The following MAP3K7CL variants were observed in gnomAD, a reference collection of about 807,000 sequenced individuals.
The protein encoded by MAP3K7CL is MAP3K7 C-terminal-like protein.
In MAP3K7CL, 16 loss-of-function variants were observed where a neutral mutation model predicts 18.6. The observed-to-expected ratio is 0.86, with a 90% CI of 0.58 to 1.31. The LOEUF (loss-of-function observed/expected upper bound fraction) is 1.31, where lower values mean the gene tolerates loss of function less well. Ranked by LOEUF, MAP3K7CL falls within the 50% of genes most tolerant of loss-of-function variation. The probability of loss-of-function intolerance (pLI) is 0.00; values close to 1 mark genes in which losing one functional copy is unlikely to be tolerated. For missense variants in MAP3K7CL, 163 were observed against 174.4 expected (o/e 0.93, Z 0.37); for synonymous variants, 65 against 66.8 (o/e 0.97, Z 0.13).
chr21:29,099,085 C>CTTTCT (rs932778727), intron 4 of MAP3K7CL, among the ~76,000 whole-genome samples: 17 of 151,912 alleles, frequency 1.1e-4, no homozygotes, highest in East Asian at 3.9e-4. Flanking sequence ...AAAATACTAG[C>CTTTCT]TTTCTTTTCT....
chr21:29,098,146 T>G (rs1601145706), intron 4 of MAP3K7CL, among the ~76,000 whole-genome samples: 1 of 152,218 alleles, frequency 6.6e-6, no homozygotes, highest in South Asian at 2.1e-4. Context: ...ATTTCCATTA[T>G]CACAAAAAGT....
At chr21:29,149,950 T>C (rs759151297) in intron 3 of MAP3K7CL, among the ~76,000 whole-genome samples, 18 of 152,240 alleles carry the variant, frequency 1.2e-4, no homozygotes, top group Non-Finnish European at 2.5e-4. Context: ...AGCCATTCAC[T>C]TGAATACTTA....
At chr21:29,089,892 A>T (rs2085992497) in intron 1 of MAP3K7CL, among the ~76,000 whole-genome samples, 2 of 150,246 alleles carry the variant, frequency 1.3e-5, no homozygotes, top group South Asian at 4.2e-4. Flanking sequence ...GGAGGAAGGG[A>T]AAAAAGGAGA....
chr21:29,122,452 G>T (rs1054205705), intron 4 of MAP3K7CL, among the ~76,000 whole-genome samples: 3 of 152,206 alleles, frequency 2.0e-5, no homozygotes, highest in Non-Finnish European at 2.9e-5. Context: ...CAGGTTGCAC[G>T]AACGAATTGA....
At chr21:29,147,074 C>A (rs2087143391) in intron 2 of MAP3K7CL, among the ~76,000 whole-genome samples, 1 of 152,118 alleles carries the variant, frequency 6.6e-6, no homozygotes, top group South Asian at 2.1e-4. Context: ...ACTATGAAAA[C>A]ATAAAAACTG....
At chr21:29,134,458 G>T (rs1036794518) in intron 2 of MAP3K7CL, among the ~76,000 whole-genome samples, 5 of 152,196 alleles carry the variant, frequency 3.3e-5, no homozygotes, top group Non-Finnish European at 5.9e-5. Flanking sequence ...CAGGCTTGGG[G>T]TTACTATGCC....
chr21:29,144,993 C>G (rs2087094889), intron 2 of MAP3K7CL, among the ~76,000 whole-genome samples: 1 of 152,180 alleles, frequency 6.6e-6, no homozygotes, highest in Non-Finnish European at 1.5e-5. Flanking sequence ...GCCAAACAGG[C>G]AGTGAACATC....
intron 1 of MAP3K7CL, chr21:29,080,800 T>C (rs559917230): frequency 6.6e-6 from 1 of 151,952 alleles, no homozygotes; most frequent in Admixed American, 6.6e-5. Flanking sequence ...AAGGATCTGA[T>C]TCCTGTATTA....
At position 29,113,779 on chromosome 21, in the gene MAP3K7CL, G is replaced by A. The variant is rs143145416; in HGVS notation, c.370+21198G>A. Among the ~76,000 whole-genome samples the A allele has an allele frequency of 5.5e-3, 834 of 152,116 alleles. 6 individuals carry two copies. Among genetic ancestry groups the A allele is most frequent in the African/African-American group, 0.019 (796 of 41,488 alleles). On this transcript the variant is annotated intron_variant, in intron 4 of 6. Coordinates refer to the MAP3K7CL transcript ENST00000286791. ...CCTCAGGTGATGATCTGCCTGCCTC[G>A]GCCTCCTGAAGTGCTGGGATTACTT...
At chr21:29,082,113 T>C (rs2085845993), upstream of MAP3K7CL, among the ~76,000 whole-genome samples, 6 of 152,236 alleles carry the variant, frequency 3.9e-5, no homozygotes, top group South Asian at 1.0e-3. Context: ...TTGGATGAGC[T>C]AACTGAATCT....
rs143617043 is a variant in MAP3K7CL at position 29,167,278 on chromosome 21, T to C, written c.248+7222T>C. Among the ~76,000 whole-genome samples the C allele has an allele frequency of 2.8e-3, 422 of 152,322 alleles. 1 individual carries two copies. The highest frequency in any genetic ancestry group is 9.6e-3 in the African/African-American group (401 of 41,568). ...TGTTTCTGAGGTGAAAAATGTTACA[T>C]AATTTTAGTGTGTTCAGGCAAAACA... On this transcript the variant is annotated intron_variant, in intron 4 of 4. Transcript: ENST00000399928.
At chr21:29,111,178 C>T (rs2146559948) in intron 4 of MAP3K7CL, among the ~76,000 whole-genome samples, 1 of 152,210 alleles carries the variant, frequency 6.6e-6, no homozygotes, top group Non-Finnish European at 1.5e-5. Flanking sequence ...ATTGCTTGAA[C>T]CCGGAAGGTG....
At chr21:29,122,455 C>T (rs185729536) in intron 4 of MAP3K7CL, among the ~76,000 whole-genome samples, 28 of 152,198 alleles carry the variant, frequency 1.8e-4, no homozygotes, top group Non-Finnish European at 8.8e-5. Flanking sequence ...GTTGCACGAA[C>T]GAATTGAAGA....
intron 2 of MAP3K7CL, among the ~76,000 whole-genome samples, chr21:29,143,756 G>A (rs116350245): frequency 1.2e-3 from 184 of 152,162 alleles, no homozygotes; most frequent in African/African-American, 4.0e-3. Flanking sequence ...GATTTAGGGC[G>A]TCTCAACTTA....
chr21:29,154,328 AG>A (rs955968789), intron 3 of MAP3K7CL, among the ~76,000 whole-genome samples: 9 of 152,138 alleles, frequency 5.9e-5, no homozygotes, highest in African/African-American at 2.2e-4. Flanking sequence ...TTTTTAAGTT[AG>A]GGATAGAAGT....
chr21:29,107,340 AAG>A (rs2086341744), intron 4 of MAP3K7CL, among the ~76,000 whole-genome samples: 1 of 151,988 alleles, frequency 6.6e-6, no homozygotes, highest in Non-Finnish European at 1.5e-5. Context: ...GAAAACAAAA[AAG>A]TCTGACTTAT....
intron 4 of MAP3K7CL, among the ~76,000 whole-genome samples, chr21:29,171,216 A>G (rs1238676361): frequency 6.6e-6 from 1 of 151,934 alleles, no homozygotes; most frequent in East Asian, 1.9e-4. Flanking sequence ...TTTTTCTTCA[A>G]TTATTTATTC....
At chr21:29,171,602 G>A (rs1036328658) in intron 4 of MAP3K7CL, among the ~76,000 whole-genome samples, 2 of 152,066 alleles carry the variant, frequency 1.3e-5, no homozygotes, top group African/African-American at 2.4e-5. Flanking sequence ...GATCACCTGA[G>A]GTCAGGACCA....
upstream of MAP3K7CL, among the ~76,000 whole-genome samples, chr21:29,126,436 T>C (rs1300785227): frequency 6.6e-6 from 1 of 152,032 alleles, no homozygotes; most frequent in Non-Finnish European, 1.5e-5. Flanking sequence ...GTGTAAAATA[T>C]TTCTTTCTTT....
Sources: allele counts gnomAD v4.1 joint callset (sites outside exome capture counted in the v4.1 genomes callset), GRCh38; gene constraint gnomAD v4.1.1; transcripts MANE v1.5; gene names NCBI Gene and HGNC (gene_info 2026-07-23, HGNC 2026-07-21).